GPLD1: variants seen among roughly 807,000 people sequenced by gnomAD.
GPLD1 encodes phosphatidylinositol-glycan-specific phospholipase D.
In GPLD1, 84 loss-of-function variants were observed where a neutral mutation model predicts 112.6. The ratio of observed to expected loss-of-function variants is 0.75; its 90% CI spans 0.63 to 0.89. The LOEUF is 0.89. GPLD1 is among the 40% of genes least tolerant of loss of function. The pLI is 0.00. For missense variants in GPLD1, 1,044 were observed against 1,051.5 expected (o/e 0.99, Z 0.10); for synonymous variants, 386 against 403.8 (o/e 0.96, Z 0.53).
chr6:24,433,637 C>T (rs1328503294), intron 22 of GPLD1: 18 of 388,768 alleles, frequency 4.6e-5, no homozygotes, highest in Non-Finnish European at 9.2e-6. Flanking sequence ...GAATTACAGG[C>T]GCCCACCACC....
chr6:24,434,953 A>C (rs1018532748), intron 22 of GPLD1, among the ~76,000 whole-genome samples: 4 of 151,454 alleles, frequency 2.6e-5, no homozygotes, highest in African/African-American at 9.7e-5. Context: ...TACAAGCATA[A>C]GCCACCACAC....
chr6:24,437,355 C>A (rs1762612384), intron 20 of GPLD1, 66 bp from the exon 21 acceptor site: 3 of 1,429,430 alleles, frequency 2.1e-6, no homozygotes, highest in South Asian at 2.4e-5. Flanking sequence ...CGGAATAGCA[C>A]CCCATCCTCA....
chr6:24,462,758 A>G lies in GPLD1; in HGVS notation c.859T>C (p.Cys287Arg). The G allele has an allele frequency of 3.1e-6, 5 of 1,613,662 alleles. No individual in the cohort carries two copies. The highest frequency in any genetic ancestry group is 4.2e-6 in the Non-Finnish European group (5 of 1,179,534). ...NLPENPLFIA[C>R]GGQQNHTQGS... ...TGGGTGTGGTTTTGCTGGCCGCCAC[A>G]TGCAATGAACAGAGGGTTCTCAGGC... Residue 287 changes from cysteine (C) to arginine (R), a missense_variant, in exon 11 of 25, where the codon TGT (cysteine) becomes CGT (arginine). Physicochemically the swap from Cys to Arg is radical, Grantham distance 180 (BLOSUM62 -3). Coordinates refer to ENST00000230036, the MANE Select transcript of GPLD1 (RefSeq NM_001503.4).
At chr6:24,478,255 C>T (rs990229307) in intron 3 of GPLD1, among the ~76,000 whole-genome samples, 1 of 152,298 alleles carries the variant, frequency 6.6e-6, no homozygotes. Context: ...AGAACTATAA[C>T]ATGCAGGCAA....
In GPLD1 at chr6:24,454,195, C is replaced by A. The variant is rs1763191079; in HGVS notation, c.1155G>T (p.Met385Ile). Reference protein sequence around the residue: ...SFPYARLGWAMTSADLNQDGH... With the variant: ...SFPYARLGWAITSADLNQDGH... ...CATCCTGGTTGAGGTCAGCTGAGGT[C>A]ATTGCCCTTAGGGAAGTGAAGGGAC... The change falls in exon 14 of 25, where the codon ATG becomes ATT. Residue 385 changes from methionine to isoleucine, a missense_variant. Coordinates refer to ENST00000230036, the MANE Select transcript of GPLD1 (RefSeq NM_001503.4). The A allele has an allele frequency of 6.2e-7, 1 of 1,610,144 alleles. No homozygotes were observed. Among genetic ancestry groups the A allele is most frequent in the Admixed American group, 1.7e-5 (1 of 59,686 alleles).
rs768409184 is a variant in GPLD1 at position 24,445,572 on chromosome 6, A to C, written c.1994T>G (p.Val665Gly). The change falls in exon 20 of 25, where the codon GTG (valine) becomes GGG (glycine). Residue 665 changes from valine (V) to glycine (G), a missense_variant. Transcript: ENST00000230036. ...HVLMNGTLKQ[V>G]LLVGAPTYDD... ...GTACGTAGGGGCTCCAACCAGCAGC[A>C]CTTGTTTCAGAGTCCCATTCATCAG... 5.0e-6 allele frequency: 8 copies of C among 1,613,842 alleles called. No homozygotes were observed.
chr6:24,441,530 C>A (rs1742273), intron 20 of GPLD1, among the ~76,000 whole-genome samples: 40,251 of 152,072 alleles, frequency 0.26, 6,556 homozygotes, highest in East Asian at 0.58. Context: ...TTCAGTGATG[C>A]CACATCTTTG....
In GPLD1 at chr6:24,466,672, G is replaced by A; in HGVS notation, c.821+8C>T. On this transcript the variant is annotated splice_region_variant and intron_variant, in intron 10 of 24. Transcript: ENST00000230036. ...GTGATTGGTAATAGAAATGCAATAT[G>A]AATTCACCTGGTCCCATTCTCCAAC... 1 of 1,608,954 alleles carries A rather than the reference G, an allele frequency of 6.2e-7. No individual in the cohort carries two copies. Among genetic ancestry groups the A allele is most frequent in the Non-Finnish European group, 8.5e-7 (1 of 1,175,972 alleles).
At chr6:24,429,346 G>A (rs1004296691) in intron 24 of GPLD1, among the ~76,000 whole-genome samples, 3 of 152,092 alleles carry the variant, frequency 2.0e-5, no homozygotes, top group African/African-American at 7.2e-5. Flanking sequence ...TCCCTATTCT[G>A]GCACATAAAT....
In GPLD1 at chr6:24,466,790, C is replaced by T. The variant is rs138270209; in HGVS notation, c.711G>A (p.Pro237=). 3.8e-5 allele frequency: 62 copies of T among 1,612,058 alleles called. No homozygotes were observed. In the African/African-American group the frequency reaches 5.7e-4, roughly 15 times the overall value. ...KLYPTYSTKS[P]FLVEQFQEYF... ...ACTCTTGGAATTGTTCCACCAAAAA[C>T]GGGGACTTTGTAGAGTAAGTGGGAT... is the stretch of plus-strand genomic sequence containing the variant. The change falls in exon 10 of 25, where the codon CCG becomes CCA. Residue 237 remains proline (P), a synonymous_variant. Transcript: ENST00000230036.
At chr6:24,431,873 C>T (rs1187595517) in intron 24 of GPLD1, among the ~76,000 whole-genome samples, 1 of 152,124 alleles carries the variant, frequency 6.6e-6, no homozygotes, top group Non-Finnish European at 1.5e-5. Flanking sequence ...GAAATTTAAA[C>T]TGTGTACACT....
chr6:24,432,791 C>T lies in GPLD1; in HGVS notation c.2436+396G>A, dbSNP rs185502703. ...TGCCACGGCAGCACGACAGCAGCCA[C>T]GCGCAGTCCACAGCAGACGAGCCCG... On this transcript the variant is annotated intron_variant, in intron 24 of 24. Coordinates refer to ENST00000230036, the MANE Select transcript of GPLD1 (RefSeq NM_001503.4). Among the ~76,000 whole-genome samples, 962 of 152,324 alleles carry T rather than the reference C, an allele frequency of 6.3e-3. 5 individuals are homozygous for T. The highest frequency in any genetic ancestry group is 0.013 in the African/African-American group (524 of 41,582).
chr6:24,437,254 GGGTCAC>G lies in GPLD1; in HGVS notation c.2050_2055del (p.Val684_Thr685del). ...ATGCGAGTGGCTCCGCCTTGGTGTA[GGGTCAC>G]GGTCAGGAATGCCACCTTAGACACG... On this transcript the variant is annotated inframe_deletion, in exon 21 of 25. Coordinates refer to ENST00000230036, the MANE Select transcript of GPLD1 (RefSeq NM_001503.4). 1.9e-6 allele frequency: 3 copies of G among 1,614,058 alleles called. No individual in the cohort carries two copies. The highest frequency in any genetic ancestry group is 2.5e-6 in the Non-Finnish European group (3 of 1,179,994).
At chr6:24,443,002 A>G (rs1343300361) in intron 20 of GPLD1, among the ~76,000 whole-genome samples, 1 of 152,194 alleles carries the variant, frequency 6.6e-6, no homozygotes, top group Admixed American at 6.5e-5. Flanking sequence ...TGGTGAAGAA[A>G]ATAAAGTTAA....
chr6:24,481,644 T>C (rs979083884), intron 2 of GPLD1, among the ~76,000 whole-genome samples: 5 of 152,094 alleles, frequency 3.3e-5, no homozygotes, highest in Non-Finnish European at 7.4e-5. Flanking sequence ...CGTTCACACC[T>C]TCCCCAAGAC....
At chr6:24,451,442 G>A (rs549668743) in intron 14 of GPLD1, among the ~76,000 whole-genome samples, 39 of 152,248 alleles carry the variant, frequency 2.6e-4, no homozygotes, top group African/African-American at 8.2e-4. Flanking sequence ...GGGTTCAAGC[G>A]ATTCTCCTGC....
At chr6:24,473,942 T>C (rs140096379) in intron 5 of GPLD1, among the ~76,000 whole-genome samples, 2,253 of 152,052 alleles carry the variant, frequency 0.015, 30 homozygotes, top group South Asian at 0.037. Context: ...CTGGCCAACA[T>C]AGTGAAACCC....
intron 21 of GPLD1, 53 bp downstream of exon 21, chr6:24,437,055 ACCCAC>A: frequency 1.4e-6 from 2 of 1,481,284 alleles, no homozygotes; most frequent in Non-Finnish European, 1.9e-6. Context: ...CAATTAGGGG[ACCCAC>A]CCCCTGGGCA....
At chr6:24,486,051 G>A in intron 2 of GPLD1, 24 bp downstream of exon 2, 1 of 1,452,854 alleles carries the variant, frequency 6.9e-7, no homozygotes, top group Non-Finnish European at 9.6e-7. Context: ...GCACAAAGAA[G>A]AAAAGAAAAA....
Sources: allele counts gnomAD v4.1 joint callset (sites outside exome capture counted in the v4.1 genomes callset), GRCh38; gene constraint gnomAD v4.1.1; transcripts MANE v1.5; gene names NCBI Gene and HGNC (gene_info 2026-07-23, HGNC 2026-07-21).